The following MYH1 variants were observed in gnomAD, a reference collection of about 807,000 sequenced individuals.
MYH1 encodes the protein myosin-1.
Under a neutral mutation model 225.6 loss-of-function variants are expected in MYH1, and 214 were observed. The ratio of observed to expected loss-of-function variants is 0.95; its 90% CI spans 0.85 to 1.06. The LOEUF (loss-of-function observed/expected upper bound fraction) is 1.06. Ranked by LOEUF, MYH1 falls within the 50% of genes least tolerant of loss-of-function variation. The pLI is 0.00. For missense variants in MYH1, 2,098 were observed against 2,344.2 expected (o/e 0.89, Z 2.17); for synonymous variants, 774 against 842.3 (o/e 0.92, Z 1.40).
In MYH1 at chr17:10,501,375, C is replaced by T; in HGVS notation, c.3473G>A (p.Gly1158Asp). 2 of 1,614,132 alleles carry T rather than the reference C, an allele frequency of 1.2e-6. No individual in the cohort carries two copies. The highest frequency in any genetic ancestry group is 4.5e-5 in the East Asian group (2 of 44,886). The change falls in exon 27 of 40, where the codon GGT becomes GAT. Residue 1158 changes from glycine (G) to aspartate (D), a missense_variant. By Grantham distance (94) the Gly-to-Asp change is moderately conservative. Transcript: ENST00000226207. ...EEISERLEEA[G>D]GATSAQIEMN... ...CTCAATCTGGGCTGAGGTGGCCCCA[C>T]CGGCTTCTTCCAGCCTCTCGCTGAT...
intron 9 of MYH1, 135 bp from the exon 10 acceptor site, chr17:10,513,100 A>G: frequency 3.1e-6 from 2 of 646,814 alleles, no homozygotes; most frequent in Non-Finnish European, 2.7e-6. Flanking sequence ...GAAGTACCAC[A>G]TATTATGTCT....
rs1340557928 is a variant in MYH1 at position 10,494,930 on chromosome 17, C to T, written c.5466+1G>A. The T allele has an allele frequency of 6.2e-7, 1 of 1,614,116 alleles. No individual in the cohort carries two copies. The highest frequency in any genetic ancestry group is 1.1e-5 in the South Asian group (1 of 91,082). On this transcript the variant is annotated splice_donor_variant, in intron 37 of 39. Coordinates refer to ENST00000226207, the MANE Select transcript of MYH1 (RefSeq NM_005963.4). LOFTEE classifies it high-confidence loss of function. ...AAATACATGCTGATTAGGAGACCCA[C>T]CCTGGCCTCCAGTTTCTGGATCTGC...
intron 35 of MYH1, 128 bp from the exon 36 acceptor site, chr17:10,495,445 A>G: frequency 3.1e-6 from 4 of 1,301,818 alleles, no homozygotes; most frequent in Non-Finnish European, 3.2e-6. Context: ...TTCATAAATT[A>G]TCTGAGTTGA....
chr17:10,499,933 C>T (rs1387292328), intron 28 of MYH1, among the ~76,000 whole-genome samples: 1 of 152,160 alleles, frequency 6.6e-6, no homozygotes, highest in Non-Finnish European at 1.5e-5. Flanking sequence ...TGGGGAGATA[C>T]AACTCTGGTA....
At position 10,501,634 on chromosome 17, in the gene MYH1, G is replaced by C. The variant is rs2073058845; in HGVS notation, c.3308C>G (p.Ala1103Gly). ...GLQSKIEDEQ[A>G]LGMQLQKKIK... ...TTTCTTCTGCAGCTGCATACCAAGG[G>C]CTTGTTCATCTTCAATCTTGCTTTG... Residue 1103 changes from alanine to glycine, a missense_variant, in exon 26 of 40, where the codon GCC (alanine) becomes GGC (glycine). By Grantham distance (60) the Ala-to-Gly change is moderately conservative. Coordinates refer to ENST00000226207, the MANE Select transcript of MYH1 (RefSeq NM_005963.4). The C allele has an allele frequency of 1.2e-6, 2 of 1,614,152 alleles. No homozygotes were observed. The highest frequency in any genetic ancestry group is 4.5e-5 in the East Asian group (2 of 44,872).
Position 10,505,270 on chromosome 17 carries a change from G to T in MYH1, c.2328C>A (p.Leu776=), listed in dbSNP as rs150497710. 1 of 1,614,034 alleles carries T rather than the reference G, an allele frequency of 6.2e-7. No homozygotes were observed. The highest frequency in any genetic ancestry group is 1.3e-5 in the African/African-American group (1 of 74,904). The change falls in exon 21 of 40, where the codon CTC becomes CTA. Residue 776 remains leucine (L), a synonymous_variant. Coordinates refer to ENST00000226207, the MANE Select transcript of MYH1 (RefSeq NM_005963.4). ...GCTTCTCATCTCGCATCTCCTCTAG[G>T]AGCCCCAGAAGACCAGCTTTGAAAA... ...KVFFKAGLLG[L]LEEMRDEKLA... is the part of the protein sequence containing the mutation.
At chr17:10,507,450 A>AGG (rs2073124542) in intron 17 of MYH1, among the ~76,000 whole-genome samples, 1 of 152,038 alleles carries the variant, frequency 6.6e-6, no homozygotes, top group Non-Finnish European at 1.5e-5. Flanking sequence ...CCACTGTTCT[A>AGG]TCTTATAGCT....
In MYH1 at chr17:10,513,085, C is replaced by T. The variant is rs1217781759; in HGVS notation, c.806-120G>A. 8.9e-6 allele frequency: 6 copies of T among 673,938 alleles called. No homozygotes were observed. The East Asian group carries it at 1.3e-4, about 15-fold the overall frequency. 41.7% of individuals were successfully genotyped at this position (673,938 alleles called of 1,614,324 possible). On this transcript the variant is annotated intron_variant, in intron 9 of 39. Transcript: ENST00000226207. The stretch of plus-strand genomic sequence containing the variant: ...CCTCTTGAGATTTCAACTGAATGTT[C>T]CTGTGAAGTACCACATATTATGTCT...
Position 10,496,135 on chromosome 17 carries a change from C to T in MYH1, c.4984G>A (p.Asp1662Asn), listed in dbSNP as rs775247676. ...TCCTCCTGGCTCCGGAGAGCATCAT[C>T]CAGGTGGAGCTGGGTATCCTGTGGA... Reference protein sequence around the residue: ...AILKDTQLHLDDALRSQEDLK... With the variant: ...AILKDTQLHLNDALRSQEDLK... The change falls in exon 35 of 40, where the codon GAT (aspartate) becomes AAT (asparagine). Residue 1662 changes from aspartate to asparagine, a missense_variant. Coordinates refer to ENST00000226207, the MANE Select transcript of MYH1 (RefSeq NM_005963.4). 1.9e-6 allele frequency: 3 copies of T among 1,614,176 alleles called. No homozygotes were observed. Among genetic ancestry groups the T allele is most frequent in the Non-Finnish European group, 2.5e-6 (3 of 1,180,034 alleles).
At chr17:10,504,113 C>T (rs2073084977) in intron 22 of MYH1, among the ~76,000 whole-genome samples, 1 of 152,186 alleles carries the variant, frequency 6.6e-6, no homozygotes, top group Non-Finnish European at 1.5e-5. Flanking sequence ...AATGTTTCTG[C>T]TGTTGGTTTT....
At position 10,509,514 on chromosome 17, in the gene MYH1, G is replaced by C; in HGVS notation, c.1558C>G (p.Leu520Val). ...TCGATGAGCTCGATGCAGGCAGCCA[G>C]GTCCATCCCAAAGTCAATGAACGTC... is the stretch of plus-strand genomic sequence containing the variant. Reference protein sequence around the residue: ...EWTFIDFGMDLAACIELIEKP... With the variant: ...EWTFIDFGMDVAACIELIEKP... The change falls in exon 15 of 40, where the codon CTG (leucine) becomes GTG (valine). Residue 520 changes from leucine (L) to valine (V), a missense_variant. Physicochemically the swap from Leu to Val is conservative, Grantham distance 32. Transcript: ENST00000226207. 3.7e-6 allele frequency: 6 copies of C among 1,614,158 alleles called. No homozygotes were observed. The highest frequency in any genetic ancestry group is 5.1e-6 in the Non-Finnish European group (6 of 1,180,036).
Position 10,508,346 on chromosome 17 carries a change from A to G in MYH1, c.1897+17T>C. 6.3e-7 allele frequency: 1 copy of G among 1,576,414 alleles called. No individual in the cohort carries two copies. ...GTTTTATACATTAGGTAAAAGATTA[A>G]TTATATTGATAATTACCTGCTTCCG... On this transcript the variant is annotated intron_variant, in intron 16 of 39. Transcript: ENST00000226207.
At chr17:10,497,247 C>G (rs1036119973) in intron 32 of MYH1, 40 bp downstream of exon 32, 34 of 1,591,124 alleles carry the variant, frequency 2.1e-5, no homozygotes, top group Non-Finnish European at 2.8e-5. Context: ...AAGATTCTTT[C>G]AAATCTTTTA....
intron 2 of MYH1, among the ~76,000 whole-genome samples, chr17:10,517,710 A>G (rs2073242670): frequency 6.6e-6 from 1 of 151,864 alleles, no homozygotes; most frequent in African/African-American, 2.4e-5. Context: ...GTATATATAC[A>G]TATGTGTGTG....
In MYH1 at chr17:10,492,498, C is replaced by T. The variant is rs200090517; in HGVS notation, c.5738G>A (p.Arg1913Gln). ...GACCTGGGACTCAGCAATGTCAGCC[C>T]GTTCCTCGGCCTCCTCCAGCTCGTG... ...IQHELEEAEE[R>Q]ADIAESQVNK... Residue 1913 changes from arginine (R) to glutamine (Q), a missense_variant, in exon 40 of 40, where the codon CGG becomes CAG. By Grantham distance (43) the Arg-to-Gln change is conservative. Coordinates refer to ENST00000226207, the MANE Select transcript of MYH1 (RefSeq NM_005963.4). 6 of 1,614,044 alleles carry T rather than the reference C, an allele frequency of 3.7e-6. No individual in the cohort carries two copies. Among genetic ancestry groups the T allele is most frequent in the African/African-American group, 1.3e-5 (1 of 74,932 alleles).
At position 10,498,820 on chromosome 17, in the gene MYH1, G is replaced by A. The variant is rs777443544; in HGVS notation, c.3987C>T (p.Ala1329=). 1.9e-6 allele frequency: 3 copies of A among 1,614,002 alleles called. No individual in the cohort carries two copies. In the African/African-American group the frequency reaches 4.0e-5, roughly 22 times the overall value. ...GCAGGGCATGTGCCAGGGCACTCTT[G>A]GCCTGAGAACATAGAGATTGATGAC... ...LKRQLEEEIK[A]KSALAHALQS... Residue 1329 remains alanine, a splice_region_variant and synonymous_variant, in exon 30 of 40, where the codon GCC becomes GCT. Coordinates refer to ENST00000226207, the MANE Select transcript of MYH1 (RefSeq NM_005963.4).
At chr17:10,512,594 TA>T in intron 11 of MYH1, 48 bp from the exon 12 acceptor site, 3 of 1,613,250 alleles carry the variant, frequency 1.9e-6, no homozygotes, top group Non-Finnish European at 2.5e-6. Flanking sequence ...AGAGAATTTA[TA>T]CTGTATCTTT....
intron 30 of MYH1, 131 bp downstream of exon 30, chr17:10,498,494 TA>T: frequency 7.9e-7 from 1 of 1,272,966 alleles, no homozygotes. Context: ...GAATCTCTTC[TA>T]AGGCATCTAC....
chr17:10,515,769 G>A (rs769219860), intron 5 of MYH1, among the ~76,000 whole-genome samples, 157 bp downstream of exon 5: 6 of 152,176 alleles, frequency 3.9e-5, no homozygotes, highest in Admixed American at 1.3e-4. Context: ...GTTTTAATAC[G>A]AGCTTTGACA....
Sources: allele counts gnomAD v4.1 joint callset (sites outside exome capture counted in the v4.1 genomes callset), GRCh38; gene constraint gnomAD v4.1.1; transcripts MANE v1.5; gene names NCBI Gene and HGNC (gene_info 2026-07-23, HGNC 2026-07-21).